AFAP1L1: variants seen among roughly 807,000 people sequenced by gnomAD.
The protein encoded by AFAP1L1 is actin filament-associated protein 1-like 1.
In AFAP1L1, 77 loss-of-function variants were observed where a neutral mutation model predicts 99.8. The observed-to-expected ratio is 0.77, with a 90% CI of 0.64 to 0.93. The LOEUF (loss-of-function observed/expected upper bound fraction) is 0.93, where lower values mean the gene tolerates loss of function less well. AFAP1L1 is among the 40% of genes least tolerant of loss of function. AFAP1L1 has a pLI of 0.00. For missense variants in AFAP1L1, 893 were observed against 996.8 expected (o/e 0.90, Z 1.40); for synonymous variants, 373 against 395.3 (o/e 0.94, Z 0.67).
intron 11 of AFAP1L1, 117 bp from the exon 12 acceptor site, chr5:149,317,612 G>A: frequency 9.5e-7 from 1 of 1,047,378 alleles, no homozygotes; most frequent in South Asian, 1.6e-5. Flanking sequence ...GGTCACAGGG[G>A]AAAGAGAGCT....
chr5:149,313,720 C>T (rs761921947), intron 9 of AFAP1L1, among the ~76,000 whole-genome samples: 3 of 152,174 alleles, frequency 2.0e-5, no homozygotes, highest in East Asian at 1.9e-4. Context: ...AATAGTCACA[C>T]GGACTTATAA....
At chr5:149,274,626 C>T (rs1445905048) in intron 1 of AFAP1L1, among the ~76,000 whole-genome samples, 1 of 152,178 alleles carries the variant, frequency 6.6e-6, no homozygotes, top group Non-Finnish European at 1.5e-5. Flanking sequence ...CGCCCATAAC[C>T]CCAACACTTT....
At chr5:149,299,932 A>G (rs572113976) in intron 2 of AFAP1L1, among the ~76,000 whole-genome samples, 1 of 151,746 alleles carries the variant, frequency 6.6e-6, no homozygotes, top group Non-Finnish European at 1.5e-5. Flanking sequence ...CATAGAACAC[A>G]CACACCCACA....
intron 1 of AFAP1L1, among the ~76,000 whole-genome samples, chr5:149,285,139 TG>T (rs776574942): frequency 3.3e-4 from 50 of 152,198 alleles, no homozygotes; most frequent in Middle Eastern, 3.4e-3. Flanking sequence ...GGCAGGTTCA[TG>T]GGGGCCTGGC....
chr5:149,294,676 C>T (rs561758974), intron 1 of AFAP1L1, among the ~76,000 whole-genome samples: 4 of 152,158 alleles, frequency 2.6e-5, no homozygotes, highest in Non-Finnish European at 5.9e-5. Context: ...AGGGCCTTCA[C>T]GCAGGAATTT....
At position 149,307,593 on chromosome 5, in the gene AFAP1L1, A is replaced by T. The variant is rs1343903955; in HGVS notation, c.727A>T (p.Ile243Phe). The T allele has an allele frequency of 1.2e-6, 2 of 1,612,540 alleles. No homozygotes were observed. The highest frequency in any genetic ancestry group is 3.3e-5 in the Admixed American group (2 of 60,018). ...FGQWAKQLTV[I>F]REDQLLCYKS... ...GCAGTGGGCCAAGCAGCTGACGGTCATCAGGGAGGACCAGCTCCTGGTGAG... is the reference window on the plus strand; with the variant it reads ...GCAGTGGGCCAAGCAGCTGACGGTCTTCAGGGAGGACCAGCTCCTGGTGAG... Residue 243 changes from isoleucine (I) to phenylalanine (F), a missense_variant, in exon 7 of 19, where the codon ATC (isoleucine) becomes TTC (phenylalanine). Coordinates refer to ENST00000296721, the MANE Select transcript of AFAP1L1 (RefSeq NM_152406.4).
chr5:149,297,251 G>A (rs1756046817), intron 1 of AFAP1L1, among the ~76,000 whole-genome samples: 1 of 152,188 alleles, frequency 6.6e-6, no homozygotes, highest in African/African-American at 2.4e-5. Context: ...TATTTGATAT[G>A]GCAGGGCCCA....
chr5:149,315,829 C>T lies in AFAP1L1; in HGVS notation c.1029C>T (p.Ser343=), dbSNP rs1756775670. 1.9e-6 allele frequency: 3 copies of T among 1,614,046 alleles called. No individual in the cohort carries two copies. The highest frequency in any genetic ancestry group is 2.5e-6 in the Non-Finnish European group (3 of 1,179,980). The change falls in exon 10 of 19, where the codon TCC becomes TCT. Residue 343 remains serine, a synonymous_variant. Coordinates refer to ENST00000296721, the MANE Select transcript of AFAP1L1 (RefSeq NM_152406.4). ...CCTGTGTCCCTCCTCAGAGGCTGTC[C>T]CAAGAGAAGCAGACCTCAGATTCTG... ...LCKLDLDKRL[S]QEKQTSDSDS... is the part of the protein sequence containing the mutation.
intron 9 of AFAP1L1, among the ~76,000 whole-genome samples, chr5:149,313,267 C>G (rs940231805): frequency 2.0e-5 from 3 of 152,174 alleles, no homozygotes; most frequent in Admixed American, 2.0e-4. Context: ...GCCTCAGACC[C>G]AAGTCCTCCC....
rs748787542 is a variant in AFAP1L1 at position 149,310,021 on chromosome 5, C to T, written c.813C>T (p.Ile271=). 6.2e-7 allele frequency: 1 copy of T among 1,614,242 alleles called. No homozygotes were observed. The highest frequency in any genetic ancestry group is 1.1e-5 in the South Asian group (1 of 91,078). The change falls in exon 8 of 19, where the codon ATC becomes ATT. Residue 271 remains isoleucine (I), a synonymous_variant. Coordinates refer to ENST00000296721, the MANE Select transcript of AFAP1L1 (RefSeq NM_152406.4). ...TGGCACTGGATACCTGCAGCATCAT[C>T]TACGTGCCCAAGGACAGCCGGCACA... ...LRLALDTCSI[I]YVPKDSRHKR...
intron 15 of AFAP1L1, among the ~76,000 whole-genome samples, chr5:149,328,302 G>A (rs1029358179): frequency 1.3e-5 from 2 of 152,064 alleles, no homozygotes; most frequent in Non-Finnish European, 2.9e-5. Context: ...AAAGCTGTGT[G>A]CGCCTCTGTA....
rs1176276504 is a variant in AFAP1L1, at chr5:149,320,493, TG to T, written c.1698+32del. The T allele has an allele frequency of 6.2e-7, 1 of 1,602,018 alleles. No individual in the cohort carries two copies. The highest frequency in any genetic ancestry group is 8.6e-7 in the Non-Finnish European group (1 of 1,169,152). ...AGTCCCTTGGGGCTGCCCAGGAATG[TG>T]GCAAAGGCCACTTATTAGCTCTCCC... On this transcript the variant is annotated intron_variant, in intron 14 of 18. Transcript: ENST00000296721. The surrounding 1 kb of genome is among the most constrained non-coding windows in gnomAD (Gnocchi z 4.0).
At chr5:149,337,252 A>C (rs1187048175) in intron 18 of AFAP1L1, among the ~76,000 whole-genome samples, 4 of 152,174 alleles carry the variant, frequency 2.6e-5, no homozygotes, top group Admixed American at 6.5e-5. Context: ...ACAGTTAACA[A>C]TACCATATTG....
At position 149,301,199 on chromosome 5, in the gene AFAP1L1, C is replaced by G; in HGVS notation, c.296C>G (p.Pro99Arg). 6.2e-7 allele frequency: 1 copy of G among 1,614,078 alleles called. No individual in the cohort carries two copies. The highest frequency in any genetic ancestry group is 8.5e-7 in the Non-Finnish European group (1 of 1,179,968). Residue 99 changes from proline to arginine, a missense_variant, in exon 4 of 19, where the codon CCT becomes CGT. Pro to Arg is a moderately radical substitution (Grantham distance 103). Transcript: ENST00000296721. ...DDGEPSKGAS[P>R]ELAKSPRLRN... ...GGGGAGCCCAGCAAAGGAGCCAGCC[C>G]TGAGCTAGCCAAGAGCCCACGCCTG...
chr5:149,273,816 C>G (rs541049085), intron 1 of AFAP1L1, among the ~76,000 whole-genome samples: 1 of 151,924 alleles, frequency 6.6e-6, no homozygotes, highest in Non-Finnish European at 1.5e-5. Flanking sequence ...TCCACCACCC[C>G]CACTCCCCAC....
Position 149,322,646 on chromosome 5 carries a change from G to A in AFAP1L1, c.1739G>A (p.Arg580His), listed in dbSNP as rs142984867. 2.0e-5 allele frequency: 32 copies of A among 1,592,076 alleles called. No individual in the cohort carries two copies. Among genetic ancestry groups the A allele is most frequent in the South Asian group, 1.7e-4 (15 of 87,354 alleles). ...PERPTGAQVKRHASSCSEKSH... is the reference protein window; with the variant it reads ...PERPTGAQVKHHASSCSEKSH... ...CGCCCCACAGGGGCCCAGGTGAAGC[G>A]TCACGCCTCCTCCTGCAGTGAGAAG... is the stretch of plus-strand genomic sequence containing the variant. The change falls in exon 15 of 19, where the codon CGT becomes CAT. Residue 580 changes from arginine to histidine, a missense_variant. Transcript: ENST00000296721.
At chr5:149,326,750 G>GTAA (rs1757108549) in intron 15 of AFAP1L1, among the ~76,000 whole-genome samples, 1 of 152,034 alleles carries the variant, frequency 6.6e-6, no homozygotes. Context: ...ACAATTAGTA[G>GTAA]AGCTGGGTGT....
intron 1 of AFAP1L1, among the ~76,000 whole-genome samples, chr5:149,273,894 T>A (rs1755222835): frequency 6.6e-6 from 1 of 152,112 alleles, no homozygotes. Flanking sequence ...CCCAGGCCTG[T>A]GGAAAGTGCA....
At chr5:149,308,064 G>A (rs377606140) in intron 7 of AFAP1L1, among the ~76,000 whole-genome samples, 48 of 151,912 alleles carry the variant, frequency 3.2e-4, no homozygotes, top group South Asian at 2.3e-3. Context: ...CAGGAGAATC[G>A]CTTGAAACCA....
Sources: allele counts gnomAD v4.1 joint callset (sites outside exome capture counted in the v4.1 genomes callset), GRCh38; gene constraint gnomAD v4.1.1; non-coding constraint Gnocchi (gnomAD v3.1); transcripts MANE v1.5; gene names NCBI Gene and HGNC (gene_info 2026-07-23, HGNC 2026-07-21).